The following TECRL variants were observed in gnomAD, a reference collection of about 807,000 sequenced individuals.
TECRL encodes trans-2,3-enoyl-CoA reductase like.
Under a neutral mutation model 52.8 loss-of-function variants are expected in TECRL, and 63 were observed. The ratio of observed to expected loss-of-function variants is 1.19; its 90% CI spans 0.97 to 1.47. The LOEUF (loss-of-function observed/expected upper bound fraction) is 1.47, where lower values mean the gene tolerates loss of function less well. Among genes scored for constraint, TECRL ranks in the 40% most tolerant of loss-of-function variants. TECRL has a pLI of 0.00. For synonymous variants in TECRL, 164 were observed against 141.9 expected, an observed-to-expected ratio of 1.16 and a Z score of -1.10; for missense variants, 482 against 429.6, an observed-to-expected ratio of 1.12 and a Z score of -1.08.
chr4:64,387,379 C>T lies in TECRL; in HGVS notation c.235-12156G>A, dbSNP rs1178373020. On this transcript the variant is annotated intron_variant, in intron 1 of 11. Transcript: ENST00000381210. Reference sequence around the variant, plus strand: ...TGCAGCTGCCATAAACATCTTTATGCAGATTTATGTGTGGACATAAGTTTT... The same window carrying T: ...TGCAGCTGCCATAAACATCTTTATGTAGATTTATGTGTGGACATAAGTTTT... Among the ~76,000 whole-genome samples the T allele has an allele frequency of 2.0e-5, 3 of 152,082 alleles. No individual in the cohort carries two copies. In the East Asian group the frequency reaches 5.8e-4, roughly 29 times the overall value.
rs575173204 is a variant in TECRL at position 64,378,235 on chromosome 4, C to T, written c.235-3012G>A. Among the ~76,000 whole-genome samples the T allele has an allele frequency of 3.9e-5, 6 of 151,996 alleles. No homozygotes were observed. The East Asian group carries it at 1.2e-3, about 29-fold the overall frequency. On this transcript the variant is annotated intron_variant, in intron 1 of 11. Coordinates refer to ENST00000381210, the MANE Select transcript of TECRL (RefSeq NM_001010874.5). ...AATCACATGTTAAGCTTGATTAATT[C>T]AGGAAAATGGAAAAAAATAGGTCTG...
chr4:64,326,061 A>T (rs1718239637), intron 3 of TECRL, among the ~76,000 whole-genome samples: 1 of 152,032 alleles, frequency 6.6e-6, no homozygotes, highest in Non-Finnish European at 1.5e-5. Flanking sequence ...AAGGGCCCTG[A>T]ATTTCCTGAC....
chr4:64,316,071 G>A (rs1285488537), intron 4 of TECRL, among the ~76,000 whole-genome samples: 3 of 152,032 alleles, frequency 2.0e-5, no homozygotes, highest in Admixed American at 6.6e-5. Flanking sequence ...GAATAATGAT[G>A]AGGGTAATTG....
intron 1 of TECRL, among the ~76,000 whole-genome samples, chr4:64,406,919 T>C (rs977526680): frequency 6.6e-6 from 1 of 151,960 alleles, no homozygotes; most frequent in African/African-American, 2.4e-5. Context: ...AAGTTGTTAA[T>C]TTGTCTAAGA....
At chr4:64,295,211 C>A (rs1723611543) in intron 8 of TECRL, among the ~76,000 whole-genome samples, 1 of 151,324 alleles carries the variant, frequency 6.6e-6, no homozygotes, top group Admixed American at 6.6e-5. Flanking sequence ...AATATATTTT[C>A]AGTTTTCAAA....
intron 2 of TECRL, among the ~76,000 whole-genome samples, chr4:64,351,867 A>G (rs1026370053): frequency 6.6e-6 from 1 of 152,194 alleles, no homozygotes; most frequent in African/African-American, 2.4e-5. Context: ...TTCAGTATAG[A>G]GCAAAATATG....
At chr4:64,337,716 A>C (rs1313883679) in intron 2 of TECRL, among the ~76,000 whole-genome samples, 1 of 152,210 alleles carries the variant, frequency 6.6e-6, no homozygotes, top group East Asian at 1.9e-4. Context: ...AATCCAACTT[A>C]CAAGGGATAT....
In TECRL at chr4:64,280,158, A is replaced by G; in HGVS notation, c.1006T>C (p.Trp336Arg). Reference protein sequence around the residue: ...TLLMSIQMSLWAQKKHKIYLR... With the variant: ...TLLMSIQMSLRAQKKHKIYLR... ...TAAATCTTATGTTTCTTTTGTGCCC[A>G]CAAAGACATCTGGATACTCATCAGA... The change falls in exon 12 of 12, where the codon TGG (tryptophan) becomes CGG (arginine). Residue 336 changes from tryptophan (W) to arginine (R), a missense_variant. Physicochemically the swap from Trp to Arg is moderately radical, Grantham distance 101 (BLOSUM62 -3). Transcript: ENST00000381210. 2 of 1,601,950 alleles carry G rather than the reference A, an allele frequency of 1.2e-6. No homozygotes were observed. Among genetic ancestry groups the G allele is most frequent in the East Asian group, 2.3e-5 (1 of 44,360 alleles).
chr4:64,400,456 G>A (rs1724275383), intron 1 of TECRL, among the ~76,000 whole-genome samples: 2 of 152,132 alleles, frequency 1.3e-5, no homozygotes, highest in African/African-American at 2.4e-5. Flanking sequence ...TTATTGGGAA[G>A]GCATGATGGT....
chr4:64,327,120 T>A (rs547690440), intron 3 of TECRL, among the ~76,000 whole-genome samples: 16 of 152,226 alleles, frequency 1.1e-4, no homozygotes, highest in African/African-American at 3.9e-4. Flanking sequence ...AGAGGGTCAA[T>A]CAAATGTAGA....
chr4:64,293,361 A>AT (rs1373684780), intron 8 of TECRL, among the ~76,000 whole-genome samples: 2 of 152,114 alleles, frequency 1.3e-5, no homozygotes, highest in Non-Finnish European at 2.9e-5. Flanking sequence ...TATCAAATTA[A>AT]TAACCTACAA....
In TECRL at chr4:64,305,242, C is replaced by A. The variant is rs971170215; in HGVS notation, c.658-4G>T. 4 of 1,610,226 alleles carry A rather than the reference C, an allele frequency of 2.5e-6. No individual in the cohort carries two copies. Among genetic ancestry groups the A allele is most frequent in the Non-Finnish European group, 3.4e-6 (4 of 1,178,324 alleles). On this transcript the variant is annotated splice_region_variant and splice_polypyrimidine_tract_variant and intron_variant, in intron 6 of 11. Transcript: ENST00000381210. ...ATCCCCAGTAAAAGGCACAACTCTG[C>A]AAACAAAACAAAACAAAATAAAAGT...
At chr4:64,341,986 G>A (rs929630544) in intron 2 of TECRL, among the ~76,000 whole-genome samples, 3 of 152,120 alleles carry the variant, frequency 2.0e-5, no homozygotes, top group African/African-American at 7.2e-5. Context: ...TTCGAGGTGT[G>A]GGATCCGGGC....
chr4:64,404,607 T>G (rs2109791095), intron 1 of TECRL, among the ~76,000 whole-genome samples: 1 of 152,250 alleles, frequency 6.6e-6, no homozygotes, highest in Middle Eastern at 3.4e-3. Flanking sequence ...CTAAATGAGC[T>G]AAATAAATAT....
chr4:64,378,846 A>T (rs1021148), intron 1 of TECRL, among the ~76,000 whole-genome samples: 135,888 of 151,824 alleles, frequency 0.9, 61,531 homozygotes, highest in East Asian at 1. Context: ...TTTAAATTTA[A>T]CTGAATTTTA....
At chr4:64,312,266 T>C (rs1416173741) in intron 5 of TECRL, among the ~76,000 whole-genome samples, 1 of 152,152 alleles carries the variant, frequency 6.6e-6, no homozygotes, top group East Asian at 1.9e-4. Flanking sequence ...TCCTGAAAAT[T>C]AGGTGACAGA....
chr4:64,358,764 C>T (rs989074387), intron 2 of TECRL, among the ~76,000 whole-genome samples: 4 of 151,692 alleles, frequency 2.6e-5, no homozygotes, highest in East Asian at 1.9e-4. Flanking sequence ...GAGGCATTGA[C>T]GCAATATTAT....
In TECRL at chr4:64,300,023, G is replaced by C; in HGVS notation, c.731-6C>G. The C allele has an allele frequency of 6.4e-7, 1 of 1,569,448 alleles. No individual in the cohort carries two copies. Among genetic ancestry groups the C allele is most frequent in the East Asian group, 2.3e-5 (1 of 42,840 alleles). ...GATTTGCCTGTTTCCAAATGCTGGAGAGTAGAAAAAGAATATGTCATGCAG... is the reference window on the plus strand; with the variant it reads ...GATTTGCCTGTTTCCAAATGCTGGACAGTAGAAAAAGAATATGTCATGCAG... On this transcript the variant is annotated splice_polypyrimidine_tract_variant and splice_region_variant and intron_variant, in intron 7 of 11. Transcript: ENST00000381210.
chr4:64,375,246 G>T, intron 1 of TECRL, 23 bp from the exon 2 acceptor site: 1 of 1,264,592 alleles, frequency 7.9e-7, no homozygotes, highest in Non-Finnish European at 1.1e-6. Context: ...AGAAAATAGA[G>T]TTATTTTTAA....
Sources: gnomAD v4.1 joint callset for allele counts (sites outside exome capture counted in the v4.1 genomes callset) on GRCh38, gnomAD v4.1.1 for gene constraint, MANE v1.5 for transcripts, NCBI Gene and HGNC (gene_info 2026-07-23, HGNC 2026-07-21) for gene names.